PLS3: variants seen among roughly 807,000 people sequenced by gnomAD.
PLS3 encodes the protein plastin 3, also known as plastin-3.
In PLS3, 11 loss-of-function variants were observed where a neutral mutation model predicts 46.5. That is an observed-to-expected ratio of 0.24 (90% CI 0.15 to 0.39). The LOEUF is 0.39. Ranked by LOEUF, PLS3 falls within the 10% of genes least tolerant of loss-of-function variation. The pLI, the probability that PLS3 is intolerant of heterozygous loss-of-function variation, is 1.00. For missense variants in PLS3, 308 were observed against 461.8 expected, an observed-to-expected ratio of 0.67 and a Z score of 3.05; for synonymous variants, 167 against 162.2, an observed-to-expected ratio of 1.03 and a Z score of -0.22.
Position 115,629,828 on chromosome X carries a change from AT to A in PLS3, c.368-3del. On this transcript the variant is annotated splice_region_variant and splice_polypyrimidine_tract_variant and intron_variant, in intron 4 of 15. Transcript: ENST00000355899. Reference sequence around the variant, plus strand: ...AACTAATGTCTTGTTATTTAACATAATTTTAGAGGAAGAAAAATATGCTTTT... The same window carrying A: ...AACTAATGTCTTGTTATTTAACATAATTTAGAGGAAGAAAAATATGCTTTT... The A allele has an allele frequency of 9.3e-7, 1 of 1,073,685 alleles. No homozygotes were observed. Among genetic ancestry groups the A allele is most frequent in the African/African-American group, 1.8e-5 (1 of 54,619 alleles). 88.5% of individuals were successfully genotyped at this position (1,073,685 alleles called of 1,213,427 possible).
chrX:115,622,431 A>G lies in PLS3; in HGVS notation c.237+22A>G, dbSNP rs782654580. ...TTATGTAAGTATGTGAAAATTCACA[A>G]TTATTAGAAGTAGTAGATGTTCCCT... On this transcript the variant is annotated intron_variant, in intron 3 of 15. Coordinates refer to ENST00000355899, the MANE Select transcript of PLS3 (RefSeq NM_005032.7). 5.7e-6 allele frequency: 6 copies of G among 1,055,094 alleles called. No individual in the cohort carries two copies. The African/African-American group carries it at 7.4e-5, about 13-fold the overall frequency. The allele number at this position is 1,055,094 out of a possible 1,213,427, so 87.0% of individuals were successfully genotyped here.
At chrX:115,594,918 A>G (rs1027092091) in intron 1 of PLS3, among the ~76,000 whole-genome samples, 4 of 111,378 alleles carry the variant, frequency 3.6e-5, no homozygotes, top group Non-Finnish European at 5.6e-5. Context: ...GGCTATTTCA[A>G]TCTAAGAAGT....
At chrX:115,590,432 C>T (rs782574524) in intron 1 of PLS3, among the ~76,000 whole-genome samples, 116 of 111,222 alleles carry the variant, frequency 1.0e-3, no homozygotes, top group African/African-American at 3.7e-3. Flanking sequence ...TCCCCACCGC[C>T]CCCGTCACGC....
rs148924194 is a variant in PLS3, at chrX:115,570,227, G to A, written c.-9+8967G>A. On this transcript the variant is annotated intron_variant, in intron 1 of 15. Transcript: ENST00000355899. ...TGGGATTACAGGCATGAGCCACCGC[G>A]CCTGGGCCAGCTCTCCCATTTTATA... Among the ~76,000 whole-genome samples, 155 of 110,918 alleles carry A rather than the reference G, an allele frequency of 1.4e-3. 1 individual carries two copies. The East Asian group carries it at 0.034, about 24-fold the overall frequency.
At chrX:115,566,434 G>GA (rs1174070092) in intron 1 of PLS3, among the ~76,000 whole-genome samples, 1 of 3,578 alleles carries the variant, frequency 2.8e-4, no homozygotes, top group Non-Finnish European at 1.0e-3. Flanking sequence ...GCCCAGGCTG[G>GA]AGTGGTGCAG....
intron 1 of PLS3, among the ~76,000 whole-genome samples, chrX:115,606,107 A>G (rs1199688339): frequency 2.7e-5 from 2 of 75,321 alleles, no homozygotes; most frequent in African/African-American, 1.0e-4. Flanking sequence ...GGAATGGTTT[A>G]TGTCCAGAAC....
At chrX:115,586,571 TG>T (rs1301162175) in intron 1 of PLS3, among the ~76,000 whole-genome samples, 1 of 102,818 alleles carries the variant, frequency 9.7e-6, no homozygotes, top group Non-Finnish European at 2.0e-5. Context: ...CCCAGATACT[TG>T]GGAGGCTGAG....
chrX:115,643,982 TA>T (rs782742103), intron 10 of PLS3, among the ~76,000 whole-genome samples: 1 of 110,182 alleles, frequency 9.1e-6, no homozygotes, highest in African/African-American at 3.3e-5. Context: ...AAAAAATAAA[TA>T]AAAAAAATAA....
At chrX:115,574,981 A>G (rs2074239246) in intron 1 of PLS3, among the ~76,000 whole-genome samples, 1 of 111,786 alleles carries the variant, frequency 8.9e-6, no homozygotes, top group African/African-American at 3.3e-5. Context: ...GAAACCCCAT[A>G]CACTTTAGCT....
At chrX:115,584,898 T>C (rs1234842263) in intron 1 of PLS3, among the ~76,000 whole-genome samples, 1 of 111,837 alleles carries the variant, frequency 8.9e-6, no homozygotes, top group African/African-American at 3.2e-5. Context: ...AGATGATGGG[T>C]TGTGGTGGAA....
At chrX:115,580,665 A>G (rs2074274917) in intron 1 of PLS3, among the ~76,000 whole-genome samples, 1 of 111,851 alleles carries the variant, frequency 8.9e-6, no homozygotes, top group Non-Finnish European at 1.9e-5. Flanking sequence ...AATTTTTAAA[A>G]GAAGCTTGTC....
At chrX:115,583,064 A>T (rs1213262420) in intron 1 of PLS3, among the ~76,000 whole-genome samples, 1 of 112,116 alleles carries the variant, frequency 8.9e-6, no homozygotes. Flanking sequence ...GAAAAGAAAA[A>T]GCTAATAAAA....
At chrX:115,613,439 T>C (rs1313761231) in intron 2 of PLS3, among the ~76,000 whole-genome samples, 2 of 112,033 alleles carry the variant, frequency 1.8e-5, no homozygotes, top group Non-Finnish European at 3.8e-5. Flanking sequence ...AACAGTGCTT[T>C]AGTTTAATTT....
chrX:115,631,869 C>T (rs2074780005), intron 5 of PLS3, among the ~76,000 whole-genome samples: 1 of 111,274 alleles, frequency 9.0e-6, no homozygotes, highest in Non-Finnish European at 1.9e-5. Context: ...AGTGGCGTGA[C>T]CTCTGCTCAC....
chrX:115,620,839 G>A (rs1251801643), intron 2 of PLS3, among the ~76,000 whole-genome samples: 1 of 101,635 alleles, frequency 9.8e-6, no homozygotes, highest in African/African-American at 3.6e-5. Flanking sequence ...GACTATAGGC[G>A]CCCACCACCA....
chrX:115,623,597 A>T (rs1229436427), intron 3 of PLS3, among the ~76,000 whole-genome samples: 1 of 111,759 alleles, frequency 8.9e-6, no homozygotes, highest in Non-Finnish European at 1.9e-5. Context: ...TACCTTTAAG[A>T]TTTTATTGGT....
At position 115,616,725 on chromosome X, in the gene PLS3, C is replaced by G. The variant is rs926409188; in HGVS notation, c.74-5521C>G. Among the ~76,000 whole-genome samples the G allele has an allele frequency of 2.0e-4, 22 of 112,017 alleles. No individual in the cohort carries two copies. In the Admixed American group the frequency reaches 2.1e-3, roughly 11 times the overall value. On this transcript the variant is annotated intron_variant, in intron 2 of 15. Transcript: ENST00000355899. The stretch of plus-strand genomic sequence containing the variant: ...AATAATTGCATGCTATTTTGTCTCT[C>G]AAGTACTTTACCAGCTGGGAGGTTT...
intron 6 of PLS3, among the ~76,000 whole-genome samples, chrX:115,634,544 A>C (rs2074810572): frequency 9.0e-6 from 1 of 111,670 alleles, no homozygotes; most frequent in Non-Finnish European, 1.9e-5. Flanking sequence ...CCATTTAGGC[A>C]TTTTTGGAAT....
intron 1 of PLS3, among the ~76,000 whole-genome samples, chrX:115,602,855 C>T (rs2074457841): frequency 3.5e-5 from 1 of 28,450 alleles, no homozygotes; most frequent in Admixed American, 6.4e-4. Context: ...TTTTGGCTGC[C>T]TTTCAATTTA....
Sources: allele counts gnomAD v4.1 joint callset (sites outside exome capture counted in the v4.1 genomes callset), GRCh38; gene constraint gnomAD v4.1.1; transcripts MANE v1.5; gene names NCBI Gene and HGNC (gene_info 2026-07-23, HGNC 2026-07-21).